Variants in LRRC7 observed in about 807,000 individuals in gnomAD.
LRRC7 encodes leucine-rich repeat-containing protein 7.
Under a neutral mutation model 175.7 loss-of-function variants are expected in LRRC7, and 23 were observed. The ratio of observed to expected loss-of-function variants is 0.13; its 90% confidence interval spans 0.09 to 0.19. The LOEUF (loss-of-function observed/expected upper bound fraction) is 0.19, where lower values mean the gene tolerates loss of function less well. LRRC7 is among the 10% of genes least tolerant of loss of function. LRRC7 has a pLI of 1.00. For synonymous variants in LRRC7, 685 were observed against 680.9 expected (o/e 1.01, Z -0.09); for missense variants, 1,354 against 1,904.7 (o/e 0.71, Z 5.38).
intron 9 of LRRC7, among the ~76,000 whole-genome samples, chr1:69,982,512 T>A (rs745363507): frequency 6.6e-6 from 1 of 152,220 alleles, no homozygotes. Flanking sequence ...GCACATTCAT[T>A]TTTTTCTTAG....
intron 2 of LRRC7, among the ~76,000 whole-genome samples, chr1:69,742,115 C>T (rs1251660533): frequency 1.3e-5 from 2 of 151,654 alleles, no homozygotes; most frequent in African/African-American, 4.8e-5. Context: ...AGAAAAACAG[C>T]CTAAAATCCT....
At chr1:69,865,542 C>G (rs1409774057) in intron 7 of LRRC7, among the ~76,000 whole-genome samples, 1 of 129,274 alleles carries the variant, frequency 7.7e-6, no homozygotes, top group Non-Finnish European at 1.6e-5. Flanking sequence ...GTGCAGTGGC[C>G]CGATCTCTGC....
chr1:69,704,877 A>T (rs979129739), intron 2 of LRRC7, among the ~76,000 whole-genome samples: 55 of 152,198 alleles, frequency 3.6e-4, no homozygotes, highest in African/African-American at 1.3e-3. Context: ...AGCCAATGAA[A>T]TAAAATTCTC....
intron 17 of LRRC7, among the ~76,000 whole-genome samples, chr1:70,025,805 A>G (rs569373578): frequency 1.4e-5 from 2 of 140,018 alleles, no homozygotes; most frequent in South Asian, 2.6e-4. Context: ...TGCAAGCTTT[A>G]TAAGACCTGG....
intron 7 of LRRC7, among the ~76,000 whole-genome samples, chr1:69,924,616 A>G (rs1424499868): frequency 2.6e-5 from 4 of 152,158 alleles, no homozygotes; most frequent in Admixed American, 1.3e-4. Flanking sequence ...TTATTGGTGT[A>G]TAAGAATGCT....
At chr1:69,645,275 T>G (rs1014984622) in intron 1 of LRRC7, among the ~76,000 whole-genome samples, 4 of 152,062 alleles carry the variant, frequency 2.6e-5, no homozygotes, top group African/African-American at 9.7e-5. Flanking sequence ...GCAAGTTCAA[T>G]ATAAAATAAT....
At chr1:69,632,648 T>G (rs1652699204) in intron 1 of LRRC7, among the ~76,000 whole-genome samples, 1 of 152,128 alleles carries the variant, frequency 6.6e-6, no homozygotes, top group African/African-American at 2.4e-5. Context: ...CTTGGGTTTA[T>G]TGAGTGAGTG....
intron 1 of LRRC7, among the ~76,000 whole-genome samples, chr1:69,661,109 T>A (rs774342258): frequency 6.6e-6 from 1 of 151,924 alleles, no homozygotes; most frequent in Admixed American, 6.6e-5. Context: ...AAAGGGGAAG[T>A]GTTATGTCCC....
At chr1:69,683,669 T>C (rs1660769155) in intron 2 of LRRC7, among the ~76,000 whole-genome samples, 1 of 151,838 alleles carries the variant, frequency 6.6e-6, no homozygotes. Context: ...GAAGAAAAAT[T>C]AAAAAGATTA....
intron 3 of LRRC7, among the ~76,000 whole-genome samples, chr1:69,788,801 C>T (rs1440225502): frequency 6.6e-6 from 1 of 152,132 alleles, no homozygotes; most frequent in Non-Finnish European, 1.5e-5. Flanking sequence ...TTCATTACAA[C>T]TGATATTTAC....
intron 8 of LRRC7, among the ~76,000 whole-genome samples, chr1:69,960,588 C>A (rs1483147242): frequency 2.7e-5 from 4 of 149,812 alleles, no homozygotes; most frequent in Non-Finnish European, 5.9e-5. Flanking sequence ...AAATTGAAAT[C>A]TTTCTAGTTT....
At chr1:69,577,115 G>A (rs138789781) in intron 1 of LRRC7, among the ~76,000 whole-genome samples, 1 of 152,228 alleles carries the variant, frequency 6.6e-6, no homozygotes, top group Non-Finnish European at 1.5e-5. Context: ...CATCAATGTG[G>A]GACGTGAACA....
rs767173637 is a variant in LRRC7, at chr1:69,678,400, G to C, written c.22G>C (p.Gly8Arg). Residue 8 changes from glycine (G) to arginine (R), a missense_variant, in exon 2 of 27, where the codon GGA becomes CGA. Around this residue, in one of 4 missense-constraint regions of LRRC7, gnomAD observed 68 missense variants for 83.4 expected, o/e 0.82. Transcript: ENST00000651989. MMENLIR[G>R]RNPPQYQRSP... ...TTATAGGATGGAGAACCTAATAAGG[G>C]GAAGGAATCCCCCGCAATACCAGAG... 13 of 1,599,534 alleles carry C rather than the reference G, an allele frequency of 8.1e-6. No homozygotes were observed. Among genetic ancestry groups the C allele is most frequent in the Non-Finnish European group, 1.1e-5 (13 of 1,173,122 alleles).
chr1:69,784,105 CAT>C (rs1674122363), intron 3 of LRRC7, among the ~76,000 whole-genome samples: 2 of 152,082 alleles, frequency 1.3e-5, no homozygotes, highest in East Asian at 1.9e-4. Flanking sequence ...CTATTAATAA[CAT>C]AATATCAAAT....
intron 1 of LRRC7, among the ~76,000 whole-genome samples, chr1:69,640,331 A>G (rs1438714946): frequency 1.3e-5 from 2 of 151,716 alleles, no homozygotes; most frequent in Non-Finnish European, 1.5e-5. Context: ...GTAATCCATG[A>G]TTGTCCTGGG....
Position 69,964,949 on chromosome 1 carries a change from A to G in LRRC7, c.712-15430A>G, listed in dbSNP as rs145427460. ...TATACCTGGCCATCTAGATGAAAAC[A>G]AAATATTATAGCTCATATGTGGAGT... is the stretch of plus-strand genomic sequence containing the variant. On this transcript the variant is annotated intron_variant, in intron 8 of 26. Coordinates refer to ENST00000651989, the MANE Select transcript of LRRC7 (RefSeq NM_001370785.2). Among the ~76,000 whole-genome samples the G allele has an allele frequency of 1.5e-3, 227 of 152,350 alleles. 1 individual carries two copies. In the East Asian group the frequency reaches 0.021, roughly 14 times the overall value.
chr1:69,874,234 A>C (rs1685836958), intron 7 of LRRC7: 1 of 152,182 alleles, frequency 6.6e-6, no homozygotes, highest in African/African-American at 2.4e-5. Context: ...ATAGCATTTC[A>C]ATTTGCATAG....
chr1:69,854,981 C>T (rs1683427848), intron 7 of LRRC7, among the ~76,000 whole-genome samples: 1 of 151,992 alleles, frequency 6.6e-6, no homozygotes. Context: ...TACCTTAGAG[C>T]AGGGCATTTA....
intron 22 of LRRC7, among the ~76,000 whole-genome samples, chr1:70,050,639 T>A (rs1660675985): frequency 6.6e-6 from 1 of 152,080 alleles, no homozygotes; most frequent in Non-Finnish European, 1.5e-5. Context: ...GAATATTAAA[T>A]TTCAACAGTG....
Sources: allele counts gnomAD v4.1 joint callset (sites outside exome capture counted in the v4.1 genomes callset), GRCh38; gene constraint gnomAD v4.1.1; regional missense constraint gnomAD v4.1.1; transcripts MANE v1.5; gene names NCBI Gene and HGNC (gene_info 2026-07-23, HGNC 2026-07-21).